Variants in ARFGEF1 observed in about 807,000 individuals in gnomAD.
ARFGEF1 encodes the protein brefeldin A-inhibited guanine nucleotide-exchange protein 1.
ARFGEF1 carries 42 observed loss-of-function variants against 231.0 expected under a neutral mutation model. The observed-to-expected ratio is 0.18, with a 90% CI of 0.14 to 0.24. The LOEUF (loss-of-function observed/expected upper bound fraction) is 0.24. Ranked by LOEUF, ARFGEF1 falls within the 10% of genes least tolerant of loss-of-function variation. ARFGEF1 has a pLI of 1.00. For synonymous variants in ARFGEF1, 710 were observed against 732.3 expected, an observed-to-expected ratio of 0.97 and a Z score of 0.49; for missense variants, 1,345 against 2,192.0, an observed-to-expected ratio of 0.61 and a Z score of 7.72.
intron 25 of ARFGEF1, 138 bp downstream of exon 25, chr8:67,227,825 T>C (rs1839426803): frequency 1.2e-6 from 1 of 854,490 alleles, no homozygotes; most frequent in Non-Finnish European, 1.7e-6. Flanking sequence ...AAAAACACCA[T>C]TCACAGGGTT....
intron 9 of ARFGEF1, among the ~76,000 whole-genome samples, chr8:67,272,259 C>T (rs1805127164): frequency 6.6e-6 from 1 of 152,068 alleles, no homozygotes; most frequent in African/African-American, 2.4e-5. Flanking sequence ...CTCTGCCTCC[C>T]GGGTTCAAGC....
chr8:67,226,356 T>C (rs1360495204), intron 27 of ARFGEF1, among the ~76,000 whole-genome samples, 173 bp from the exon 28 acceptor site: 1 of 152,050 alleles, frequency 6.6e-6, no homozygotes, highest in South Asian at 2.1e-4. Context: ...CTGCCCTGAG[T>C]GGTGAGAATA....
intron 1 of ARFGEF1, among the ~76,000 whole-genome samples, chr8:67,317,756 A>C (rs1013557948): frequency 6.6e-6 from 1 of 151,686 alleles, no homozygotes; most frequent in Non-Finnish European, 1.5e-5. Context: ...AAAATTAGCC[A>C]GGCACGGTGG....
At chr8:67,303,442 G>A (rs1481973980) in intron 1 of ARFGEF1, among the ~76,000 whole-genome samples, 14 of 152,142 alleles carry the variant, frequency 9.2e-5, no homozygotes, top group Admixed American at 5.2e-4. Flanking sequence ...TGAGCACAGT[G>A]GCTCATGCCT....
chr8:67,284,116 T>C (rs531715734), intron 7 of ARFGEF1, among the ~76,000 whole-genome samples: 60 of 152,268 alleles, frequency 3.9e-4, no homozygotes, highest in African/African-American at 1.3e-3. Context: ...AACTATGATA[T>C]ATCTGCATAA....
Position 67,267,121 on chromosome 8 carries a change from G to A in ARFGEF1, c.1782C>T (p.Gly594=). The A allele has an allele frequency of 6.2e-7, 1 of 1,613,034 alleles. No homozygotes were observed. Among genetic ancestry groups the A allele is most frequent in the Non-Finnish European group, 8.5e-7 (1 of 1,179,684 alleles). Reference sequence around the variant, plus strand: ...CATTACTCATACCAAGTTCTTGACTGCCCCTTCCTTGAGCAATTTTTGATA... The same window carrying A: ...CATTACTCATACCAAGTTCTTGACTACCCCTTCCTTGAGCAATTTTTGATA... ...NDLSKIAQGR[G]SQELGMSNVQ... The change falls in exon 12 of 39, where the codon GGC becomes GGT. Residue 594 remains glycine (G), a synonymous_variant. Transcript: ENST00000262215.
chr8:67,319,463 T>A (rs1807475765), intron 1 of ARFGEF1, among the ~76,000 whole-genome samples: 1 of 149,998 alleles, frequency 6.7e-6, no homozygotes, highest in Non-Finnish European at 1.5e-5. Context: ...GAAAGGATAA[T>A]CTTTTCAACA....
chr8:67,226,239 C>G (rs1398591495), intron 27 of ARFGEF1, 56 bp from the exon 28 acceptor site: 2 of 1,351,312 alleles, frequency 1.5e-6, no homozygotes, highest in African/African-American at 3.0e-5. Flanking sequence ...TTAGCTGTAC[C>G]AAAAATACAC....
At chr8:67,290,626 C>T (rs942136589) in intron 6 of ARFGEF1, among the ~76,000 whole-genome samples, 2 of 152,092 alleles carry the variant, frequency 1.3e-5, no homozygotes, top group African/African-American at 4.8e-5. Context: ...ACACAGTATG[C>T]TCAATGAAGG....
At chr8:67,193,315 T>C, downstream of ARFGEF1, 2 of 539,816 alleles carry the variant, frequency 3.7e-6, no homozygotes, top group Non-Finnish European at 6.6e-6. Flanking sequence ...CAGGCTGGTC[T>C]TGAACTCCTG....
In ARFGEF1 at chr8:67,277,266, A is replaced by ACC; in HGVS notation, c.1203+14_1203+15dup. 1 of 1,610,416 alleles carries ACC rather than the reference A, an allele frequency of 6.2e-7. No homozygotes were observed. The highest frequency in any genetic ancestry group is 8.5e-7 in the Non-Finnish European group (1 of 1,177,828). On this transcript the variant is annotated intron_variant, in intron 8 of 38. Transcript: ENST00000262215. ...ATTAACAGGATTTCTCCCCCTCCCC[A>ACC]CCCCTCCATTTATACCTGAGTATCA... is the stretch of plus-strand genomic sequence containing the variant.
At position 67,200,459 on chromosome 8, in the gene ARFGEF1, T is replaced by A. The variant is rs569523159; in HGVS notation, c.5322A>T (p.Arg1774=). Reference sequence around the variant, plus strand: ...AAAGCAGTAAGTTAGTCCAGGCTTCTCGATGACTTTCTGATGTTAGAGTGA... The same window carrying A: ...AAAGCAGTAAGTTAGTCCAGGCTTCACGATGACTTTCTGATGTTAGAGTGA... ...YFLTLTSESH[R]EAWTNLLLLF... Residue 1774 remains arginine, a synonymous_variant, in exon 38 of 39, where the codon CGA becomes CGT. Coordinates refer to ENST00000262215, the MANE Select transcript of ARFGEF1 (RefSeq NM_006421.5). The A allele has an allele frequency of 6.2e-7, 1 of 1,607,244 alleles. No individual in the cohort carries two copies. Among genetic ancestry groups the A allele is most frequent in the African/African-American group, 1.3e-5 (1 of 74,906 alleles).
At chr8:67,176,124 T>C (rs1831566123) in intron 5 of ARFGEF1, among the ~76,000 whole-genome samples, 1 of 152,094 alleles carries the variant, frequency 6.6e-6, no homozygotes, top group African/African-American at 2.4e-5. Context: ...TGGGGCTAGT[T>C]GTCTCAGAGA....
downstream of ARFGEF1, chr8:67,193,609 G>T: frequency 1.2e-6 from 2 of 1,611,346 alleles, no homozygotes; most frequent in South Asian, 1.1e-5. Flanking sequence ...ACAGGTAAAT[G>T]ACCAAGTGTA....
In ARFGEF1 at chr8:67,198,896, A is replaced by C. The variant is rs536201517; in HGVS notation, c.*38T>G. 11 of 1,608,242 alleles carry C rather than the reference A, an allele frequency of 6.8e-6. No individual in the cohort carries two copies. The East Asian group carries it at 2.2e-4, about 33-fold the overall frequency. ...CAGCTCCAGCGTCCTTTTAAAGAGCAGAGGGATGTAAATGCCAACAAAAAT... is the reference window on the plus strand; with the variant it reads ...CAGCTCCAGCGTCCTTTTAAAGAGCCGAGGGATGTAAATGCCAACAAAAAT... On this transcript the variant is annotated 3_prime_UTR_variant, in exon 39 of 39. Coordinates refer to ENST00000262215, the MANE Select transcript of ARFGEF1 (RefSeq NM_006421.5).
In ARFGEF1 at chr8:67,218,191, TAAAAAA is replaced by T. The variant is rs10719102; in HGVS notation, c.4339-59_4339-54del. The T allele has an allele frequency of 1.2e-3, 190 of 153,620 alleles. 4 individuals are homozygous for T. The highest frequency in any genetic ancestry group is 7.0e-3 in the South Asian group (25 of 3,586). 9.5% of individuals were successfully genotyped at this position (153,620 alleles called of 1,614,324 possible). A position where few individuals can be genotyped will look rare whatever the true frequency, so the allele number is the denominator to read the frequency against. On this transcript the variant is annotated intron_variant, in intron 30 of 38. Transcript: ENST00000262215. ...CACGCCATTAATCAACTACTATGAT[TAAAAAA>T]AAAAAAAAAAATATATATATATATA...
intron 7 of ARFGEF1, among the ~76,000 whole-genome samples, chr8:67,283,988 C>A (rs1282568724): frequency 6.6e-6 from 1 of 152,050 alleles, no homozygotes; most frequent in Non-Finnish European, 1.5e-5. Context: ...AATTTGCCCT[C>A]AAAATAAACT....
At chr8:67,234,020 C>T (rs888137356) in intron 22 of ARFGEF1, among the ~76,000 whole-genome samples, 3 of 152,104 alleles carry the variant, frequency 2.0e-5, no homozygotes, top group Admixed American at 2.0e-4. Flanking sequence ...GATAAAGTTT[C>T]CTAAGGTTAG....
chr8:67,306,822 G>A (rs1806768744), intron 1 of ARFGEF1, among the ~76,000 whole-genome samples: 1 of 152,174 alleles, frequency 6.6e-6, no homozygotes, highest in South Asian at 2.1e-4. Flanking sequence ...CTGTTGCCCA[G>A]GCTGAAGTGC....
Sources: allele counts gnomAD v4.1 joint callset (sites outside exome capture counted in the v4.1 genomes callset), GRCh38; gene constraint gnomAD v4.1.1; transcripts MANE v1.5; gene names NCBI Gene and HGNC (gene_info 2026-07-23, HGNC 2026-07-21).